Variants in KCNMA1 observed in about 807,000 individuals in gnomAD.
KCNMA1 encodes the protein potassium calcium-activated channel subfamily M alpha 1, also known as Calcium-activated potassium channel subunit alpha-1.
KCNMA1 carries 29 observed loss-of-function variants against 140.0 expected under a neutral mutation model. The observed-to-expected ratio is 0.21, with a 90% CI of 0.15 to 0.28. The LOEUF (loss-of-function observed/expected upper bound fraction) is 0.28, where lower values mean the gene tolerates loss of function less well. Ranked by LOEUF, KCNMA1 falls within the 10% of genes least tolerant of loss-of-function variation. The pLI, the probability that KCNMA1 is intolerant of heterozygous loss-of-function variation, is 1.00. For missense variants in KCNMA1, 880 were observed against 1,602.2 expected, an observed-to-expected ratio of 0.55 and a Z score of 7.70; for synonymous variants, 612 against 611.9, an observed-to-expected ratio of 1.00 and a Z score of 0.00.
At chr10:77,634,210 A>C (rs2093501821) in intron 1 of KCNMA1, 1 of 985,478 alleles carries the variant, frequency 1.0e-6, no homozygotes. Context: ...CACCCAAGTG[A>C]ATAGAGAGCT....
chr10:77,124,753 G>C (rs955011803), intron 5 of KCNMA1, among the ~76,000 whole-genome samples: 4 of 152,170 alleles, frequency 2.6e-5, no homozygotes, highest in African/African-American at 7.2e-5. Flanking sequence ...TTCATCCTCA[G>C]ATCAAGCCAG....
intron 2 of KCNMA1, among the ~76,000 whole-genome samples, chr10:77,255,698 G>A (rs567448330): frequency 6.6e-6 from 1 of 152,238 alleles, no homozygotes; most frequent in African/African-American, 2.4e-5. Context: ...GGGATCACGA[G>A]GTCAGGAGTT....
intron 5 of KCNMA1, among the ~76,000 whole-genome samples, chr10:77,134,083 T>C (rs1008818721): frequency 2.0e-5 from 3 of 152,144 alleles, no homozygotes; most frequent in African/African-American, 7.2e-5. Flanking sequence ...AAGTTTGAGA[T>C]GAATTAAAAA....
At chr10:77,169,643 G>A (rs12782391) in intron 5 of KCNMA1, among the ~76,000 whole-genome samples, 35,537 of 151,976 alleles carry the variant, frequency 0.23, 5,295 homozygotes, top group Non-Finnish European at 0.32. Context: ...GGCTCTCAAA[G>A]TGCTGGGATT....
At chr10:77,628,198 T>C (rs918640000) in intron 1 of KCNMA1, among the ~76,000 whole-genome samples, 2 of 152,210 alleles carry the variant, frequency 1.3e-5, no homozygotes, top group Non-Finnish European at 2.9e-5. Context: ...TACAATGATA[T>C]GCAAAGATGC....
intron 1 of KCNMA1, among the ~76,000 whole-genome samples, chr10:77,599,353 C>G (rs2673455): frequency 0.9 from 136,372 of 152,176 alleles, 61,343 homozygotes; most frequent in Middle Eastern, 0.96. Flanking sequence ...ATAATTTATA[C>G]ATTCGGAGTC....
intron 1 of KCNMA1, among the ~76,000 whole-genome samples, chr10:77,453,753 C>T (rs891723675): frequency 6.6e-6 from 1 of 152,176 alleles, no homozygotes; most frequent in Non-Finnish European, 1.5e-5. Context: ...AGAGGGACCC[C>T]CTTGAGTCTT....
At chr10:77,517,360 C>G (rs923015554) in intron 1 of KCNMA1, among the ~76,000 whole-genome samples, 1 of 152,194 alleles carries the variant, frequency 6.6e-6, no homozygotes, top group Non-Finnish European at 1.5e-5. Flanking sequence ...GCCTCTCAGG[C>G]CCCCTGGGCG....
At chr10:76,941,219 G>GA (rs1001799830) in intron 23 of KCNMA1, among the ~76,000 whole-genome samples, 2 of 151,078 alleles carry the variant, frequency 1.3e-5, no homozygotes, top group South Asian at 2.1e-4. Context: ...GAAAAGAAAA[G>GA]AAAAAAAATG....
intron 3 of KCNMA1, among the ~76,000 whole-genome samples, chr10:77,215,277 C>T (rs1411923365): frequency 6.6e-6 from 1 of 152,054 alleles, no homozygotes; most frequent in Non-Finnish European, 1.5e-5. Context: ...CTTTAATTTC[C>T]CTACTTCACC....
chr10:76,918,919 C>CACAT, intron 23 of KCNMA1, among the ~76,000 whole-genome samples: 1 of 7,260 alleles, frequency 1.4e-4, no homozygotes, highest in African/African-American at 3.5e-4. Flanking sequence ...TATATCACAT[C>CACAT]ACACACACAC....
intron 1 of KCNMA1, among the ~76,000 whole-genome samples, chr10:77,534,255 G>C (rs1260268239): frequency 6.6e-6 from 1 of 152,146 alleles, no homozygotes; most frequent in East Asian, 1.9e-4. Flanking sequence ...TCCTACACTA[G>C]AGAAATTATG....
chr10:77,627,064 G>A (rs1313788741), intron 1 of KCNMA1, among the ~76,000 whole-genome samples: 1 of 152,112 alleles, frequency 6.6e-6, no homozygotes, highest in Non-Finnish European at 1.5e-5. Flanking sequence ...AAATAGGGGA[G>A]ATGACAGCAG....
intron 9 of KCNMA1, among the ~76,000 whole-genome samples, chr10:77,096,739 C>T (rs975332432): frequency 6.6e-6 from 1 of 152,168 alleles, no homozygotes; most frequent in African/African-American, 2.4e-5. Flanking sequence ...ATTGTGCTCA[C>T]TTTGTCAAAG....
intron 2 of KCNMA1, among the ~76,000 whole-genome samples, chr10:77,289,901 A>C (rs1180280798): frequency 1.3e-5 from 2 of 151,698 alleles, no homozygotes; most frequent in African/African-American, 4.9e-5. Context: ...TCTAACTGAG[A>C]AAAAAAAAGT....
intron 24 of KCNMA1, chr10:76,914,668 C>A: frequency 2.5e-6 from 1 of 402,142 alleles, no homozygotes; most frequent in East Asian, 5.2e-5. Context: ...ATTGAATGCC[C>A]CAATCGCAAA....
chr10:77,294,646 C>T (rs976701755), intron 2 of KCNMA1, among the ~76,000 whole-genome samples: 2 of 152,210 alleles, frequency 1.3e-5, no homozygotes, highest in African/African-American at 4.8e-5. Flanking sequence ...GGGCCAGGCA[C>T]AGTGACTCAC....
intron 20 of KCNMA1, among the ~76,000 whole-genome samples, chr10:76,956,533 A>C (rs2068383400): frequency 6.6e-6 from 1 of 152,200 alleles, no homozygotes. Context: ...TGGTACCTGG[A>C]ATTCTAACTT....
At chr10:77,080,505 C>T (rs2096538402) in intron 12 of KCNMA1, among the ~76,000 whole-genome samples, 1 of 152,170 alleles carries the variant, frequency 6.6e-6, no homozygotes, top group African/African-American at 2.4e-5. Flanking sequence ...GGGTTGCAGA[C>T]ACTGGGCCAG....
Sources: gnomAD v4.1 joint callset for allele counts (sites outside exome capture counted in the v4.1 genomes callset) on GRCh38, gnomAD v4.1.1 for gene constraint, MANE v1.5 for transcripts, NCBI Gene and HGNC (gene_info 2026-07-23, HGNC 2026-07-21) for gene names.